The following LGSN variants were observed in gnomAD, a reference collection of about 807,000 sequenced individuals.
LGSN encodes lengsin, lens protein with glutamine synthetase domain, also known as lengsin.
A neutral mutation model predicts 19.5 loss-of-function variants in LGSN; 21 were observed. That is an observed-to-expected ratio of 1.07 (90% CI 0.76 to 1.55). LGSN has a LOEUF of 1.55. Among genes scored for constraint, LGSN ranks in the 40% most tolerant of loss-of-function variants. The pLI is 0.00. For missense variants in LGSN, 673 were observed against 608.5 expected (o/e 1.11, Z -1.12); for synonymous variants, 257 against 215.6 (o/e 1.19, Z -1.68).
chr6:63,374,565 G>T, the LGSN span, among the ~76,000 whole-genome samples: 1 of 152,176 alleles, frequency 6.6e-6, no homozygotes, highest in Non-Finnish European at 1.5e-5. Flanking sequence ...TTGAAGACCA[G>T]ATTTGAACAA....
the LGSN span, among the ~76,000 whole-genome samples, chr6:63,472,981 A>AT: frequency 9.7e-3 from 1,469 of 150,790 alleles, 17 homozygotes; most frequent in African/African-American, 0.033. Context: ...AAATAAATAA[A>AT]TTTTTTTTTG....
chr6:63,424,166 A>G, the LGSN span, among the ~76,000 whole-genome samples: 1 of 152,306 alleles, frequency 6.6e-6, no homozygotes, highest in Non-Finnish European at 1.5e-5. Context: ...CATCAAAACT[A>G]TAATAGGGAG....
chr6:63,564,234 C>T, the LGSN span, among the ~76,000 whole-genome samples: 38 of 151,034 alleles, frequency 2.5e-4, no homozygotes, highest in South Asian at 7.5e-3. Context: ...CAAGATTGCA[C>T]CATTGCACTC....
At chr6:63,549,223 G>A in the LGSN span, 3 of 724,730 alleles carry the variant, frequency 4.1e-6, no homozygotes, top group East Asian at 7.5e-5. Context: ...GCCAGCTGAA[G>A]TAGCAGAGCA....
chr6:63,400,203 A>C, the LGSN span, among the ~76,000 whole-genome samples: 1 of 152,214 alleles, frequency 6.6e-6, no homozygotes, highest in Non-Finnish European at 1.5e-5. Flanking sequence ...ATTTGTATTG[A>C]TATCACTAAA....
rs1203696665 is a variant in LGSN, at chr6:63,276,703, G to A, written c.*3318C>T. On this transcript the variant is annotated 3_prime_UTR_variant, in exon 4 of 4. Transcript: ENST00000370657. ...TCATTGTCTGCTCATCTTTGTTTTG[G>A]TCTCCCCTAGTATGATGGCTCCCAG... The A allele has an allele frequency of 6.6e-6, 1 of 152,050 alleles. No individual in the cohort carries two copies. Among genetic ancestry groups the A allele is most frequent in the Non-Finnish European group, 1.5e-5 (1 of 68,012 alleles). The allele number at this position is 152,050 out of a possible 1,614,324, so 9.4% of individuals were successfully genotyped here.
At chr6:63,443,046 G>C in the LGSN span, among the ~76,000 whole-genome samples, 3 of 152,214 alleles carry the variant, frequency 2.0e-5, no homozygotes, top group Admixed American at 6.5e-5. Context: ...CCCACCGCGT[G>C]GGGGCTCAGG....
At chr6:63,361,400 T>C in the LGSN span, among the ~76,000 whole-genome samples, 1 of 152,188 alleles carries the variant, frequency 6.6e-6, no homozygotes, top group Non-Finnish European at 1.5e-5. Flanking sequence ...CAGTTTGATC[T>C]CAGACTGCTG....
At chr6:63,315,016 G>A (rs1428295521) in intron 1 of LGSN, among the ~76,000 whole-genome samples, 2 of 152,106 alleles carry the variant, frequency 1.3e-5, no homozygotes, top group Non-Finnish European at 2.9e-5. Flanking sequence ...CTAAAATAAT[G>A]GGATATGGAA....
At chr6:63,452,894 G>A in the LGSN span, among the ~76,000 whole-genome samples, 3 of 151,696 alleles carry the variant, frequency 2.0e-5, no homozygotes, top group African/African-American at 7.3e-5. Context: ...TCATTAATGT[G>A]AGAACTTTCT....
At chr6:63,487,264 C>T in the LGSN span, among the ~76,000 whole-genome samples, 1 of 152,122 alleles carries the variant, frequency 6.6e-6, no homozygotes, top group Non-Finnish European at 1.5e-5. Flanking sequence ...GCTACCACAC[C>T]CGGCCTGTCT....
the LGSN span, among the ~76,000 whole-genome samples, chr6:63,465,665 A>AT: frequency 1.3e-5 from 2 of 152,192 alleles, no homozygotes; most frequent in African/African-American, 4.8e-5. Context: ...TGGAGATTAA[A>AT]TTTAAGTTTG....
the LGSN span, among the ~76,000 whole-genome samples, chr6:63,495,469 T>TTGTTTTTTTG: frequency 1.0e-4 from 12 of 119,306 alleles, no homozygotes; most frequent in Admixed American, 2.0e-4. Context: ...TTTTTTTTTT[T>TTGTTTTTTTG]TTTTTTTGAG....
chr6:63,398,307 C>T, the LGSN span, among the ~76,000 whole-genome samples: 1 of 151,142 alleles, frequency 6.6e-6, no homozygotes, highest in Non-Finnish European at 1.5e-5. Flanking sequence ...TGACAGACAG[C>T]TCTATGTGTG....
chr6:63,557,514 C>T, the LGSN span, among the ~76,000 whole-genome samples: 26 of 152,028 alleles, frequency 1.7e-4, no homozygotes, highest in Middle Eastern at 6.8e-3. Flanking sequence ...TGCAGTGAGT[C>T]GAGATCGCAC....
the LGSN span, among the ~76,000 whole-genome samples, chr6:63,391,598 A>G: frequency 1.3e-5 from 2 of 152,232 alleles, no homozygotes; most frequent in African/African-American, 4.8e-5. Flanking sequence ...TGAAGCCTCA[A>G]TGTGTCTCTA....
At chr6:63,300,400 C>T (rs1015490751) in intron 1 of LGSN, among the ~76,000 whole-genome samples, 1 of 152,184 alleles carries the variant, frequency 6.6e-6, no homozygotes, top group Non-Finnish European at 1.5e-5. Flanking sequence ...GGAGCAATGG[C>T]TCATTCCTAT....
the LGSN span, among the ~76,000 whole-genome samples, chr6:63,386,994 A>C: frequency 6.6e-6 from 1 of 152,080 alleles, no homozygotes; most frequent in Non-Finnish European, 1.5e-5. Context: ...CCAGCAACTC[A>C]GGAGGCTGAG....
the LGSN span, among the ~76,000 whole-genome samples, chr6:63,570,488 T>C: frequency 6.6e-6 from 1 of 152,234 alleles, no homozygotes; most frequent in East Asian, 1.9e-4. Flanking sequence ...CTTTTAGAAC[T>C]TGATGAGCAT....
Sources: allele counts gnomAD v4.1 joint callset (sites outside exome capture counted in the v4.1 genomes callset), GRCh38; gene constraint gnomAD v4.1.1; transcripts MANE v1.5; gene names NCBI Gene and HGNC (gene_info 2026-07-23, HGNC 2026-07-21).